The following RNF216 variants were observed in gnomAD, a reference collection of about 807,000 sequenced individuals.
RNF216 encodes the protein ring finger protein 216, also known as E3 ubiquitin-protein ligase RNF216.
Under a neutral mutation model 110.8 loss-of-function variants are expected in RNF216, and 72 were observed. The observed-to-expected ratio is 0.65, with a 90% CI of 0.54 to 0.79. RNF216 has a LOEUF of 0.79. Ranked by LOEUF, RNF216 falls within the 30% of genes least tolerant of loss-of-function variation. The pLI is 0.00. For missense variants in RNF216, 1,342 were observed against 1,141.2 expected, an observed-to-expected ratio of 1.18 and a Z score of -2.54; for synonymous variants, 495 against 407.5, an observed-to-expected ratio of 1.21 and a Z score of -2.59.
At chr7:5,679,601 A>G (rs556120630) in intron 13 of RNF216, among the ~76,000 whole-genome samples, 32 of 152,326 alleles carry the variant, frequency 2.1e-4, no homozygotes, top group African/African-American at 7.5e-4. Flanking sequence ...CAATTATTTG[A>G]TAAGGCTTAG....
rs1056509612 is a variant in RNF216 at position 5,696,548 on chromosome 7, C to A, written c.2061+15213G>T. 1.3e-5 allele frequency among the ~76,000 whole-genome samples: 2 copies of A among 152,166 alleles called. No individual in the cohort carries two copies. The highest frequency in any genetic ancestry group is 4.8e-5 in the African/African-American group (2 of 41,436). On this transcript the variant is annotated intron_variant, in intron 13 of 16. Coordinates refer to ENST00000389902, the MANE Select transcript of RNF216 (RefSeq NM_207111.4). The surrounding 1 kb of genome is among the most constrained non-coding windows in gnomAD (Gnocchi z 5.4). ...CACAGGAAGGAGGAGCAGGCCGGGG[C>A]AGCCTCCTAGACACGCGTGCCCAAG... is the stretch of plus-strand genomic sequence containing the variant.
At position 5,741,292 on chromosome 7, in the gene RNF216, G is replaced by A; in HGVS notation, c.725C>T (p.Pro242Leu). ...AACGACCTGGTTTGTTATTTCACGGGGCTGTTGGTTCAGAGACTGGAAGTA... is the reference window on the plus strand; with the variant it reads ...AACGACCTGGTTTGTTATTTCACGGAGCTGTTGGTTCAGAGACTGGAAGTA... ...HPYFQSLNQQPREITNQVVPQ... is the reference protein window; with the variant it reads ...HPYFQSLNQQLREITNQVVPQ... The change falls in exon 4 of 17, where the codon CCC (proline) becomes CTC (leucine). Residue 242 changes from proline to leucine, a missense_variant. Transcript: ENST00000389902. 6.2e-7 allele frequency: 1 copy of A among 1,614,032 alleles called. No individual in the cohort carries two copies. The highest frequency in any genetic ancestry group is 8.5e-7 in the Non-Finnish European group (1 of 1,179,922).
At chr7:5,663,907 A>G (rs1370118701) in intron 13 of RNF216, among the ~76,000 whole-genome samples, 3 of 152,108 alleles carry the variant, frequency 2.0e-5, no homozygotes, top group African/African-American at 7.2e-5. Flanking sequence ...CAAAAAAACA[A>G]AACAAAACAA....
At chr7:5,659,504 T>C (rs969664812) in intron 13 of RNF216, among the ~76,000 whole-genome samples, 4 of 152,074 alleles carry the variant, frequency 2.6e-5, no homozygotes, top group East Asian at 1.9e-4. Flanking sequence ...GAATGGACCA[T>C]GGTCACCCAG....
At position 5,683,365 on chromosome 7, in the gene RNF216, G is replaced by A. The variant is rs988325519; in HGVS notation, c.2061+28396C>T. 2.0e-5 allele frequency among the ~76,000 whole-genome samples: 3 copies of A among 152,014 alleles called. No homozygotes were observed. The South Asian group carries it at 6.2e-4, about 32-fold the overall frequency. On this transcript the variant is annotated intron_variant, in intron 13 of 16. Coordinates refer to ENST00000389902, the MANE Select transcript of RNF216 (RefSeq NM_207111.4). ...TGGAGTGCAGTGGTACAATCCACAA[G>A]TTGGAGGCTCACTGCAGCTTCCAAC... is the stretch of plus-strand genomic sequence containing the variant.
chr7:5,729,847 T>C (rs2128643337), intron 6 of RNF216, among the ~76,000 whole-genome samples: 1 of 152,326 alleles, frequency 6.6e-6, no homozygotes, highest in Middle Eastern at 3.4e-3. Context: ...CTTACAGCCA[T>C]CTTCTTTCCA....
intron 9 of RNF216, among the ~76,000 whole-genome samples, 184 bp downstream of exon 9, chr7:5,720,849 A>G (rs995783313): frequency 5.3e-5 from 8 of 152,258 alleles, no homozygotes; most frequent in East Asian, 1.9e-4. Context: ...AATCTGATTT[A>G]TGAAACCACA....
At chr7:5,732,157 T>A (rs1197454139) in intron 5 of RNF216, among the ~76,000 whole-genome samples, 1 of 152,210 alleles carries the variant, frequency 6.6e-6, no homozygotes, top group Non-Finnish European at 1.5e-5. Context: ...GAGTACATTT[T>A]CCTATAAAAC....
chr7:5,672,509 T>G (rs983722610), intron 13 of RNF216, among the ~76,000 whole-genome samples: 1 of 152,188 alleles, frequency 6.6e-6, no homozygotes, highest in South Asian at 2.1e-4. Flanking sequence ...TTTAACCCAC[T>G]GATGAATTTC....
chr7:5,719,685 A>G (rs1793292806), intron 9 of RNF216, among the ~76,000 whole-genome samples: 1 of 152,258 alleles, frequency 6.6e-6, no homozygotes, highest in African/African-American at 2.4e-5. Context: ...GGATCAAAAC[A>G]ATAAATTCTA....
chr7:5,670,587 C>T (rs1048086856), intron 13 of RNF216, among the ~76,000 whole-genome samples: 1 of 152,082 alleles, frequency 6.6e-6, no homozygotes, highest in Non-Finnish European at 1.5e-5. Context: ...AATGGTATGC[C>T]CCTCACCATT....
intron 1 of RNF216, among the ~76,000 whole-genome samples, chr7:5,764,673 G>A (rs747206782): frequency 7.9e-5 from 12 of 151,018 alleles, no homozygotes; most frequent in Non-Finnish European, 1.5e-4. Context: ...CTCTTCATAA[G>A]AAGCAATTAA....
intron 8 of RNF216, among the ~76,000 whole-genome samples, chr7:5,723,689 C>G (rs751105838): frequency 6.6e-5 from 10 of 152,116 alleles, no homozygotes; most frequent in African/African-American, 9.7e-5. Flanking sequence ...AGTCTACAAA[C>G]TTCCCTCTAA....
chr7:5,622,568 T>C lies in RNF216; in HGVS notation c.*292A>G. 2.5e-6 allele frequency: 1 copy of C among 407,198 alleles called. No homozygotes were observed. Among genetic ancestry groups the C allele is most frequent in the Non-Finnish European group, 4.4e-6 (1 of 225,626 alleles). The allele number at this position is 407,198 out of a possible 1,614,324, so 25.2% of individuals were successfully genotyped here. On this transcript the variant is annotated 3_prime_UTR_variant, in exon 17 of 17. Coordinates refer to ENST00000389902, the MANE Select transcript of RNF216 (RefSeq NM_207111.4). ...AGCAGCAGGGACCTGGTCTATGGCCTATGCCATGGACAAGGCAGAAGGACT... is the reference window on the plus strand; with the variant it reads ...AGCAGCAGGGACCTGGTCTATGGCCCATGCCATGGACAAGGCAGAAGGACT...
At chr7:5,754,775 C>T (rs1297636813) in intron 2 of RNF216, among the ~76,000 whole-genome samples, 2 of 152,122 alleles carry the variant, frequency 1.3e-5, no homozygotes, top group Admixed American at 6.5e-5. Context: ...CGCCTGTAAT[C>T]CCAGAACTTT....
intron 13 of RNF216, among the ~76,000 whole-genome samples, chr7:5,699,421 AAG>A (rs1338375853): frequency 6.6e-6 from 1 of 152,308 alleles, no homozygotes; most frequent in African/African-American, 2.4e-5. Flanking sequence ...AAAACCCAGG[AAG>A]AGTTTTATTA....
rs1471130027 is a variant in RNF216 at position 5,741,149 on chromosome 7, G to A, written c.868C>T (p.Pro290Ser). 4 of 1,614,158 alleles carry A rather than the reference G, an allele frequency of 2.5e-6. No individual in the cohort carries two copies. The highest frequency in any genetic ancestry group is 2.2e-5 in the East Asian group (1 of 44,880). Residue 290 changes from proline (P) to serine (S), a missense_variant, in exon 4 of 17, where the codon CCT becomes TCT. Physicochemically the swap from Pro to Ser is moderately conservative, Grantham distance 74 (BLOSUM62 -1). Transcript: ENST00000389902. ...QQGGISGPSS[P>S]QPAHPLGEFE... ...TCTCCTAGAGGATGGGCAGGCTGAG[G>A]AGAAGAGGGGCCTGAAATCCCACCT...
intron 13 of RNF216, among the ~76,000 whole-genome samples, chr7:5,656,357 CTG>C (rs1013837267): frequency 3.3e-5 from 5 of 152,194 alleles, no homozygotes; most frequent in African/African-American, 1.2e-4. Flanking sequence ...ATTCTTCAAT[CTG>C]TGGTTTACAA....
At chr7:5,637,131 A>G (rs1183320608) in intron 15 of RNF216, among the ~76,000 whole-genome samples, 2 of 152,124 alleles carry the variant, frequency 1.3e-5, no homozygotes, top group Non-Finnish European at 2.9e-5. Flanking sequence ...AAGTTCCTAG[A>G]GATGGTTGCC....
Sources: gnomAD v4.1 joint callset for allele counts (sites outside exome capture counted in the v4.1 genomes callset) on GRCh38, gnomAD v4.1.1 for gene constraint, Gnocchi (gnomAD v3.1) non-coding constraint, MANE v1.5 for transcripts, NCBI Gene and HGNC (gene_info 2026-07-23, HGNC 2026-07-21) for gene names.